Variants in FCRL3 observed in about 807,000 individuals in gnomAD.
The protein encoded by FCRL3 is Fc receptor like 3.
In FCRL3, 89 loss-of-function variants were observed where a neutral mutation model predicts 75.0. The observed-to-expected ratio is 1.19, with a 90% CI of 1.00 to 1.42. FCRL3 has a LOEUF of 1.42. FCRL3 is among the 40% of genes most tolerant of loss of function. FCRL3 has a pLI of 0.00. For missense variants in FCRL3, 946 were observed against 880.0 expected (o/e 1.07, Z -0.95); for synonymous variants, 376 against 348.5 (o/e 1.08, Z -0.88).
Position 157,698,560 on chromosome 1 carries a change from G to T in FCRL3, c.122C>A (p.Ala41Asp), listed in dbSNP as rs1437997226. 3.7e-6 allele frequency: 6 copies of T among 1,613,938 alleles called. No individual in the cohort carries two copies. The highest frequency in any genetic ancestry group is 5.1e-6 in the Non-Finnish European group (6 of 1,179,888). The part of the protein sequence containing the change: ...WSTAFKGEKV[A>D]LICSSISHSL... ...ATGTGATATGCTGCTGCATATGAGAGCCACTTTTTCTCCTTTGAAGGCTGT... is the reference window on the plus strand; with the variant it reads ...ATGTGATATGCTGCTGCATATGAGATCCACTTTTTCTCCTTTGAAGGCTGT... The change falls in exon 4 of 15, where the codon GCT becomes GAT. Residue 41 changes from alanine (A) to aspartate (D), a missense_variant. By Grantham distance (126) the Ala-to-Asp change is moderately radical (BLOSUM62 -2). Transcript: ENST00000368184.
intron 8 of FCRL3, among the ~76,000 whole-genome samples, 162 bp from the exon 9 acceptor site, chr1:157,690,695 T>C (rs956153138): frequency 1.3e-5 from 2 of 152,242 alleles, no homozygotes; most frequent in Admixed American, 6.5e-5. Flanking sequence ...CTCTATAAGC[T>C]TGATTTTTTA....
chr1:157,697,683 T>C lies in FCRL3; in HGVS notation c.535A>G (p.Lys179Glu). The change falls in exon 5 of 15, where the codon AAA (lysine) becomes GAA (glutamate). Residue 179 changes from lysine (K) to glutamate (E), a missense_variant. Transcript: ENST00000368184. Reference protein sequence around the residue: ...FYILDIEVTSKPLNIQVQELF... With the variant: ...FYILDIEVTSEPLNIQVQELF... ...CCTTGAACTTGGATATTTAGGGGTT[T>C]TGAAGTTACTTCAATGTCAAGTATG... is the stretch of plus-strand genomic sequence containing the variant. The C allele has an allele frequency of 6.2e-7, 1 of 1,613,932 alleles. No homozygotes were observed.
chr1:157,685,686 C>T (rs2101598523), intron 10 of FCRL3, among the ~76,000 whole-genome samples: 1 of 152,246 alleles, frequency 6.6e-6, no homozygotes, highest in South Asian at 2.1e-4. Flanking sequence ...ATCCTAGGAT[C>T]AGCCATATGC....
chr1:157,684,011 T>G (rs1361349229), intron 10 of FCRL3, among the ~76,000 whole-genome samples: 1 of 152,236 alleles, frequency 6.6e-6, no homozygotes, highest in Non-Finnish European at 1.5e-5. Flanking sequence ...TTAAATTTTT[T>G]TGTATTCCTA....
chr1:157,690,045 T>C (rs1571204337), intron 9 of FCRL3, 128 bp from the exon 10 acceptor site: 5 of 1,410,792 alleles, frequency 3.5e-6, no homozygotes, highest in Non-Finnish European at 4.8e-6. Flanking sequence ...TTTTCAAAAC[T>C]ATGGCATATG....
intron 11 of FCRL3, 40 bp from the exon 12 acceptor site, chr1:157,681,139 TGG>T: frequency 7.4e-7 from 1 of 1,346,098 alleles, no homozygotes; most frequent in Non-Finnish European, 9.9e-7. Flanking sequence ...AAAGTATCTG[TGG>T]GTTACACAGA....
At chr1:157,683,353 G>T (rs867390976) in intron 10 of FCRL3, 109 bp from the exon 11 acceptor site, 2 of 1,359,306 alleles carry the variant, frequency 1.5e-6, no homozygotes, top group Non-Finnish European at 2.0e-6. Flanking sequence ...TCTAAGCTAC[G>T]GAAAAACTCA....
At position 157,678,404 on chromosome 1, in the gene FCRL3, A is replaced by T. The variant is rs1654597237; in HGVS notation, c.*306T>A. 3.3e-6 allele frequency: 4 copies of T among 1,208,732 alleles called. No homozygotes were observed. The highest frequency in any genetic ancestry group is 4.6e-5 in the South Asian group (2 of 43,804). The allele number at this position is 1,208,732 out of a possible 1,614,324, so 74.9% of individuals were successfully genotyped here. ...AAATGGTCATGATTGTGCCCTTGTA[A>T]CCCTGGCTAGACCATTTCTCTCTCC... On this transcript the variant is annotated 3_prime_UTR_variant, in exon 15 of 15. Transcript: ENST00000368184.
chr1:157,698,044 C>T, intron 4 of FCRL3, 125 bp from the exon 5 acceptor site: 1 of 1,080,066 alleles, frequency 9.3e-7, no homozygotes, highest in Non-Finnish European at 1.3e-6. Flanking sequence ...CCCACATTGC[C>T]ATGTGGCCCC....
chr1:157,681,017 G>C lies in FCRL3; in HGVS notation c.1921C>G (p.Leu641Val). 6.2e-7 allele frequency: 1 copy of C among 1,601,726 alleles called. No individual in the cohort carries two copies. The highest frequency in any genetic ancestry group is 1.1e-5 in the South Asian group (1 of 88,604). The change falls in exon 12 of 15, where the codon CTA becomes GTA. Residue 641 changes from leucine (L) to valine (V), a missense_variant. Transcript: ENST00000368184. ...DPQEPTHSKP[L>V]APMELEPMYS... ...ATTGGCTCCAGCTCCATTGGGGCTA[G>C]TGGTTTAGAGTGAGTGGGCTCTTGA...
At position 157,678,093 on chromosome 1, in the gene FCRL3, A is replaced by G; in HGVS notation, c.*617T>C. ...AGTGGGGATACAAGTCACATATTAA[A>G]CTAGCAGAGTCTTTAATGAAATGCT... On this transcript the variant is annotated 3_prime_UTR_variant, in exon 15 of 15. Coordinates refer to ENST00000368184, the MANE Select transcript of FCRL3 (RefSeq NM_052939.4). 1.0e-6 allele frequency: 1 copy of G among 985,980 alleles called. No individual in the cohort carries two copies. The highest frequency in any genetic ancestry group is 1.2e-6 in the Non-Finnish European group (1 of 830,388). The allele number at this position is 985,980 out of a possible 1,614,324, so 61.1% of individuals were successfully genotyped here.
Position 157,678,459 on chromosome 1 carries a change from G to A in FCRL3, c.*251C>T. The A allele has an allele frequency of 7.4e-7, 1 of 1,351,184 alleles. No individual in the cohort carries two copies. Among genetic ancestry groups the A allele is most frequent in the Non-Finnish European group, 9.5e-7 (1 of 1,049,274 alleles). The allele number at this position is 1,351,184 out of a possible 1,614,324, so 83.7% of individuals were successfully genotyped here. A position where few individuals can be genotyped will look rare whatever the true frequency, so the allele number is the denominator to read the frequency against. On this transcript the variant is annotated 3_prime_UTR_variant, in exon 15 of 15. Transcript: ENST00000368184. ...CTATTCGACAGCCCTAGGAGCTGAG[G>A]GCCCTCCTGCCTTGCCACGTGTCTC...
chr1:157,678,782 G>T lies in FCRL3; in HGVS notation c.2133C>A (p.Gly711=), dbSNP rs533021355. Reference sequence around the variant, plus strand: ...CTTCATCATCTTCTTCATGGGCCCTGCCTCTGCTGCTAGCCTCCCCTGCAG... The same window carrying T: ...CTTCATCATCTTCTTCATGGGCCCTTCCTCTGCTGCTAGCCTCCCCTGCAG... The part of the protein sequence containing the change: ...DDSAGEASSR[G]RAHEEDDEEN... The change falls in exon 15 of 15, where the codon GGC becomes GGA. Residue 711 remains glycine (G), a synonymous_variant. Transcript: ENST00000368184. The T allele has an allele frequency of 6.2e-7, 1 of 1,614,120 alleles. No individual in the cohort carries two copies. The highest frequency in any genetic ancestry group is 2.2e-5 in the East Asian group (1 of 44,880).
At chr1:157,683,774 G>A (rs959019093) in intron 10 of FCRL3, among the ~76,000 whole-genome samples, 3 of 152,124 alleles carry the variant, frequency 2.0e-5, no homozygotes, top group Admixed American at 6.6e-5. Flanking sequence ...GTATGTAATG[G>A]CTTTTCCACA....
In FCRL3 at chr1:157,700,536, C is replaced by T; in HGVS notation, c.-47G>A. 6.2e-7 allele frequency: 1 copy of T among 1,613,774 alleles called. No homozygotes were observed. The highest frequency in any genetic ancestry group is 8.5e-7 in the Non-Finnish European group (1 of 1,179,882). ...TTGGGAAAGTCTGTCTCACCAAAAG[C>T]CCGACTTATCTCCAAGAAGGAGGGC... On this transcript the variant is annotated 5_prime_UTR_variant, in exon 2 of 15. Coordinates refer to ENST00000368184, the MANE Select transcript of FCRL3 (RefSeq NM_052939.4).
chr1:157,687,352 T>C (rs1001236298), intron 10 of FCRL3, among the ~76,000 whole-genome samples: 6 of 145,516 alleles, frequency 4.1e-5, no homozygotes, highest in Non-Finnish European at 6.0e-5. Context: ...TTTAAGTTAG[T>C]TTAACCACTG....
At position 157,678,772 on chromosome 1, in the gene FCRL3, C is replaced by T; in HGVS notation, c.2143G>A (p.Glu715Lys). The change falls in exon 15 of 15, where the codon GAA (glutamate) becomes AAA (lysine). Residue 715 changes from glutamate (E) to lysine (K), a missense_variant. Transcript: ENST00000368184. ...TCATAGTTTTCTTCATCATCTTCTT[C>T]ATGGGCCCTGCCTCTGCTGCTAGCC... ...GEASSRGRAH[E>K]EDDEENYENV... 6.2e-7 allele frequency: 1 copy of T among 1,614,116 alleles called. No individual in the cohort carries two copies. The highest frequency in any genetic ancestry group is 8.5e-7 in the Non-Finnish European group (1 of 1,180,010).
chr1:157,688,115 A>G (rs981178206), intron 10 of FCRL3, among the ~76,000 whole-genome samples: 1 of 152,134 alleles, frequency 6.6e-6, no homozygotes, highest in South Asian at 2.1e-4. Flanking sequence ...ACTAGTGCAA[A>G]TGGTCTAAAC....
intron 10 of FCRL3, among the ~76,000 whole-genome samples, chr1:157,684,356 T>G (rs1655044743): frequency 6.6e-6 from 1 of 152,102 alleles, no homozygotes; most frequent in African/African-American, 2.4e-5. Context: ...GCCTTGACTC[T>G]CATGAAAAAT....
Sources: allele counts gnomAD v4.1 joint callset (sites outside exome capture counted in the v4.1 genomes callset), GRCh38; gene constraint gnomAD v4.1.1; transcripts MANE v1.5; gene names NCBI Gene and HGNC (gene_info 2026-07-23, HGNC 2026-07-21).